The following MALRD1 variants were observed in gnomAD, a reference collection of about 807,000 sequenced individuals.
MALRD1 encodes the protein MAM and LDL receptor class A domain containing 1.
Under a neutral mutation model 242.1 loss-of-function variants are expected in MALRD1, and 247 were observed. That is an observed-to-expected ratio of 1.02 (90% CI 0.92 to 1.13). The LOEUF is 1.13. MALRD1 is among the 50% of genes most tolerant of loss of function. MALRD1 has a pLI of 0.00. For missense variants in MALRD1, 2,989 were observed against 2,533.1 expected, an observed-to-expected ratio of 1.18 and a Z score of -3.86; for synonymous variants, 995 against 866.6, an observed-to-expected ratio of 1.15 and a Z score of -2.60.
chr10:19,229,859 A>G (rs1170395722), intron 18 of MALRD1, among the ~76,000 whole-genome samples: 1 of 152,120 alleles, frequency 6.6e-6, no homozygotes, highest in Non-Finnish European at 1.5e-5. Context: ...GCTATATTTA[A>G]TTGAAAGTTA....
chr10:19,634,482 T>G (rs1364319933), intron 36 of MALRD1, among the ~76,000 whole-genome samples: 1 of 152,124 alleles, frequency 6.6e-6, no homozygotes, highest in African/African-American at 2.4e-5. Flanking sequence ...TGAGATCTAG[T>G]AGAAATGTTA....
intron 31 of MALRD1, among the ~76,000 whole-genome samples, chr10:19,516,441 A>C (rs530479627): frequency 2.6e-5 from 4 of 152,220 alleles, no homozygotes; most frequent in East Asian, 1.9e-4. Context: ...TTGAAAATTT[A>C]AACCGTGTTT....
chr10:19,563,942 C>T (rs748176240), intron 32 of MALRD1, among the ~76,000 whole-genome samples: 31 of 152,112 alleles, frequency 2.0e-4, no homozygotes, highest in African/African-American at 2.7e-4. Flanking sequence ...CGCCCGCCTC[C>T]GGCACTGTCT....
chr10:19,574,809 G>C (rs764545231), intron 33 of MALRD1, among the ~76,000 whole-genome samples: 24 of 152,176 alleles, frequency 1.6e-4, no homozygotes, highest in Non-Finnish European at 2.4e-4. Flanking sequence ...TGACATGGGA[G>C]AGGAGAAAGT....
intron 32 of MALRD1, among the ~76,000 whole-genome samples, chr10:19,539,817 G>A (rs1393068202): frequency 2.0e-5 from 3 of 148,820 alleles, no homozygotes; most frequent in African/African-American, 7.5e-5. Context: ...CTCCCTAATA[G>A]CTGGGACTAC....
At chr10:19,601,017 A>G (rs1372979674) in intron 34 of MALRD1, among the ~76,000 whole-genome samples, 1 of 151,914 alleles carries the variant, frequency 6.6e-6, no homozygotes, top group African/African-American at 2.4e-5. Flanking sequence ...CCCAAGCAGC[A>G]CAGGCATGCT....
intron 33 of MALRD1, among the ~76,000 whole-genome samples, chr10:19,594,363 A>G (rs1411628857): frequency 2.0e-5 from 3 of 152,208 alleles, no homozygotes; most frequent in Non-Finnish European, 4.4e-5. Flanking sequence ...ATGTGGTGAA[A>G]TGGAACACTT....
At chr10:19,238,710 T>C (rs1838613864) in intron 18 of MALRD1, among the ~76,000 whole-genome samples, 2 of 149,690 alleles carry the variant, frequency 1.3e-5, no homozygotes, top group South Asian at 4.2e-4. Context: ...TCATTTCCTA[T>C]GGATATATAC....
At chr10:19,707,703 C>A (rs1833929400) in intron 38 of MALRD1, among the ~76,000 whole-genome samples, 1 of 135,912 alleles carries the variant, frequency 7.4e-6, no homozygotes, top group African/African-American at 2.6e-5. Context: ...AATCCCAGTG[C>A]TTTGGGAGGC....
intron 38 of MALRD1, among the ~76,000 whole-genome samples, chr10:19,702,176 G>A (rs1833658690): frequency 6.6e-6 from 1 of 152,168 alleles, no homozygotes; most frequent in African/African-American, 2.4e-5. Context: ...TGAACTTAAA[G>A]ATGCAAAAGG....
At position 19,530,429 on chromosome 10, in the gene MALRD1, A is replaced by ATTT. The variant is rs1564417489; in HGVS notation, c.5321-765_5321-764insTTT. 1.7e-3 allele frequency among the ~76,000 whole-genome samples: 34 copies of ATTT among 19,612 alleles called. 5 individuals carry two copies. Among genetic ancestry groups the ATTT allele is most frequent in the Middle Eastern group, 0.024 (1 of 42 alleles). The allele number at this position is 19,612 out of a possible 152,430, so 12.9% of individuals were successfully genotyped here. A position where few individuals can be genotyped will look rare whatever the true frequency, so the allele number is the denominator to read the frequency against. On this transcript the variant is annotated intron_variant, in intron 31 of 39. Coordinates refer to ENST00000454679, the MANE Select transcript of MALRD1 (RefSeq NM_001142308.3). ...TATATTTATATAATAATAAATATATAATATATATAATATATAATATATAAT... is the reference window on the plus strand; with the variant it reads ...TATATTTATATAATAATAAATATATATTTATATATATAATATATAATATATAAT...
At chr10:19,074,253 G>A (rs1270186191) in intron 2 of MALRD1, among the ~76,000 whole-genome samples, 1 of 152,100 alleles carries the variant, frequency 6.6e-6, no homozygotes, top group Non-Finnish European at 1.5e-5. Flanking sequence ...AGAAATGAGA[G>A]ACATTGATGG....
chr10:19,252,598 A>C (rs1309248011), intron 18 of MALRD1, among the ~76,000 whole-genome samples: 1 of 152,072 alleles, frequency 6.6e-6, no homozygotes, highest in African/African-American at 2.4e-5. Context: ...TAATCATCTT[A>C]TAGTTCTTGA....
Position 19,205,166 on chromosome 10 carries a change from G to T in MALRD1, c.2479G>T (p.Asp827Tyr). ...PLPAESCEGL[D>Y]HFWCRHTRAC... Reference sequence around the variant, plus strand: ...TCCTGCTGAGAGCTGTGAAGGGCTGGATCATTTCTGGTGTCGCCACACCAG... The same window carrying T: ...TCCTGCTGAGAGCTGTGAAGGGCTGTATCATTTCTGGTGTCGCCACACCAG... The change falls in exon 17 of 40, where the codon GAT (aspartate) becomes TAT (tyrosine). Residue 827 changes from aspartate (D) to tyrosine (Y), a missense_variant. Transcript: ENST00000454679. 1 of 1,550,944 alleles carries T rather than the reference G, an allele frequency of 6.4e-7. No homozygotes were observed. Among genetic ancestry groups the T allele is most frequent in the Non-Finnish European group, 8.7e-7 (1 of 1,147,066 alleles).
At chr10:19,559,461 T>C (rs1835867920) in intron 32 of MALRD1, among the ~76,000 whole-genome samples, 1 of 152,160 alleles carries the variant, frequency 6.6e-6, no homozygotes, top group Admixed American at 6.5e-5. Flanking sequence ...TATACTTTGA[T>C]TAAGCATATT....
chr10:19,351,397 A>G (rs1844370100), intron 25 of MALRD1, among the ~76,000 whole-genome samples: 1 of 152,106 alleles, frequency 6.6e-6, no homozygotes, highest in Non-Finnish European at 1.5e-5. Context: ...ATTAATTTTT[A>G]CTCAAAGAAA....
Position 19,215,742 on chromosome 10 carries a change from T to TGCTGCC in MALRD1, c.2991+6062_2991+6063insGCTGCC, listed in dbSNP as rs1837285363. On this transcript the variant is annotated intron_variant, in intron 18 of 39. Coordinates refer to ENST00000454679, the MANE Select transcript of MALRD1 (RefSeq NM_001142308.3). ...ATAAATTAGTATAAATAATTTAGTA[T>TGCTGCC]AAATAATAATTAGTATAAACAAATA... 1.7e-5 allele frequency among the ~76,000 whole-genome samples: 2 copies of TGCTGCC among 115,262 alleles called. 1 individual carries two copies. Among genetic ancestry groups the TGCTGCC allele is most frequent in the Non-Finnish European group, 3.9e-5 (2 of 51,568 alleles). The allele number at this position is 115,262 out of a possible 152,430, so 75.6% of individuals were successfully genotyped here.
chr10:19,284,361 A>G (rs1016811896), intron 21 of MALRD1, among the ~76,000 whole-genome samples: 12 of 146,708 alleles, frequency 8.2e-5, no homozygotes, highest in African/African-American at 3.0e-4. Context: ...CTAACTCGTC[A>G]TCTAGCATTA....
chr10:19,528,230 T>C (rs368565641), intron 31 of MALRD1, among the ~76,000 whole-genome samples: 1 of 152,216 alleles, frequency 6.6e-6, no homozygotes, highest in East Asian at 1.9e-4. Flanking sequence ...CAAGTTGCTT[T>C]CATGTGTAAT....
Sources: gnomAD v4.1 joint callset for allele counts (sites outside exome capture counted in the v4.1 genomes callset) on GRCh38, gnomAD v4.1.1 for gene constraint, MANE v1.5 for transcripts, NCBI Gene and HGNC (gene_info 2026-07-23, HGNC 2026-07-21) for gene names.